Variants in KCNIP4 observed in about 807,000 individuals in gnomAD.
KCNIP4 encodes potassium voltage-gated channel interacting protein 4.
Under a neutral mutation model 34.0 loss-of-function variants are expected in KCNIP4, and 12 were observed. That is an observed-to-expected ratio of 0.35 (90% CI 0.23 to 0.57). KCNIP4 has a LOEUF of 0.57. KCNIP4 is among the 20% of genes least tolerant of loss of function. KCNIP4 has a pLI of 0.83. For synonymous variants in KCNIP4, 124 were observed against 102.2 expected, an observed-to-expected ratio of 1.21 and a Z score of -1.29; for missense variants, 238 against 311.7, an observed-to-expected ratio of 0.76 and a Z score of 1.78.
chr4:21,188,252 G>A (rs1283564902), intron 1 of KCNIP4, among the ~76,000 whole-genome samples: 6 of 152,136 alleles, frequency 3.9e-5, no homozygotes, highest in African/African-American at 1.4e-4. Flanking sequence ...TTGTGCTGGA[G>A]TGAAGGATAA....
intron 1 of KCNIP4, among the ~76,000 whole-genome samples, chr4:21,233,259 A>T (rs1758930574): frequency 6.6e-6 from 1 of 152,256 alleles, no homozygotes; most frequent in Admixed American, 6.5e-5. Flanking sequence ...GTGGGGTGGA[A>T]GGAACTGAAG....
intron 1 of KCNIP4, among the ~76,000 whole-genome samples, chr4:21,307,091 G>A (rs1712565876): frequency 6.6e-6 from 1 of 152,122 alleles, no homozygotes; most frequent in African/African-American, 2.4e-5. Flanking sequence ...CAAAGTCCTG[G>A]GATTACAGGC....
intron 1 of KCNIP4, among the ~76,000 whole-genome samples, chr4:21,888,453 G>C (rs928979314): frequency 1.3e-5 from 2 of 152,038 alleles, no homozygotes; most frequent in African/African-American, 4.8e-5. Context: ...CAAAACTTCA[G>C]GTTTGTATTT....
intron 1 of KCNIP4, among the ~76,000 whole-genome samples, chr4:21,139,079 G>A (rs539348920): frequency 3.3e-5 from 5 of 152,126 alleles, no homozygotes; most frequent in Non-Finnish European, 5.9e-5. Flanking sequence ...TCTAACACTA[G>A]GTATTTTTTT....
chr4:21,587,035 A>C (rs922349903), intron 1 of KCNIP4, among the ~76,000 whole-genome samples: 2 of 152,148 alleles, frequency 1.3e-5, no homozygotes, highest in Middle Eastern at 3.4e-3. Context: ...TTTGTTCTCA[A>C]GAAGGTTGAA....
At chr4:21,493,944 T>C (rs1379501389) in intron 1 of KCNIP4, among the ~76,000 whole-genome samples, 1 of 152,242 alleles carries the variant, frequency 6.6e-6, no homozygotes, top group Non-Finnish European at 1.5e-5. Context: ...AGAGAAGGTT[T>C]CATTTTCCAT....
intron 1 of KCNIP4, among the ~76,000 whole-genome samples, chr4:21,766,087 G>T (rs1288444857): frequency 6.6e-6 from 1 of 152,068 alleles, no homozygotes; most frequent in African/African-American, 2.4e-5. Flanking sequence ...CAGGGCTCTT[G>T]AATTACACAG....
At chr4:20,807,104 C>G (rs563394913) in intron 3 of KCNIP4, among the ~76,000 whole-genome samples, 39 of 152,230 alleles carry the variant, frequency 2.6e-4, no homozygotes, top group African/African-American at 8.9e-4. Context: ...AGTTAATTCT[C>G]TCACCATTTT....
chr4:21,330,028 G>A (rs1715472108), intron 1 of KCNIP4, among the ~76,000 whole-genome samples: 2 of 152,052 alleles, frequency 1.3e-5, no homozygotes, highest in Non-Finnish European at 2.9e-5. Flanking sequence ...AAAAAACAAT[G>A]TATTCAGACT....
intron 3 of KCNIP4, among the ~76,000 whole-genome samples, chr4:20,826,049 A>AG (rs1166352633): frequency 6.6e-6 from 1 of 151,498 alleles, no homozygotes; most frequent in Non-Finnish European, 1.5e-5. Context: ...GTGGAATGTT[A>AG]GGGGTAGAAG....
chr4:21,807,254 TCTC>T (rs1263364931), intron 1 of KCNIP4, among the ~76,000 whole-genome samples: 1 of 152,128 alleles, frequency 6.6e-6, no homozygotes, highest in Non-Finnish European at 1.5e-5. Flanking sequence ...CTGACACTCA[TCTC>T]CTGCTGTGCT....
intron 1 of KCNIP4, among the ~76,000 whole-genome samples, chr4:21,918,720 A>G (rs988198979): frequency 6.6e-6 from 1 of 152,244 alleles, no homozygotes; most frequent in African/African-American, 2.4e-5. Flanking sequence ...GCTAAAAAAA[A>G]TAAGAAACCT....
At position 21,105,484 on chromosome 4, in the gene KCNIP4, GGA is replaced by G. The variant is rs1306281409; in HGVS notation, c.62-222777_62-222776del. On this transcript the variant is annotated intron_variant, in intron 1 of 8. Coordinates refer to ENST00000382152, the MANE Select transcript of KCNIP4 (RefSeq NM_025221.6). ...TTGCTGAAGTTGCTTATCAGCTGAA[GGA>G]GATTTTGGGCTGAGACAATGGGGTT... 4.0e-5 allele frequency among the ~76,000 whole-genome samples: 6 copies of G among 151,664 alleles called. 1 individual carries two copies. Among genetic ancestry groups the G allele is most frequent in the African/African-American group, 1.5e-4 (6 of 40,948 alleles).
At chr4:21,583,148 C>G (rs1197545890) in intron 1 of KCNIP4, among the ~76,000 whole-genome samples, 1 of 150,890 alleles carries the variant, frequency 6.6e-6, no homozygotes, top group Admixed American at 6.6e-5. Context: ...TAGTGCATAT[C>G]CATCATCTTA....
chr4:21,186,647 T>G (rs1384429920), intron 1 of KCNIP4, among the ~76,000 whole-genome samples: 1 of 152,112 alleles, frequency 6.6e-6, no homozygotes. Flanking sequence ...CTTTTTAAGT[T>G]TATTTGTTTA....
chr4:21,092,226 A>G (rs1400244848), intron 1 of KCNIP4, among the ~76,000 whole-genome samples: 1 of 152,174 alleles, frequency 6.6e-6, no homozygotes, highest in South Asian at 2.1e-4. Flanking sequence ...AATTCCAAAA[A>G]AAATAATATG....
intron 1 of KCNIP4, among the ~76,000 whole-genome samples, chr4:21,062,445 G>A (rs1577620416): frequency 6.6e-6 from 1 of 152,038 alleles, no homozygotes; most frequent in Non-Finnish European, 1.5e-5. Flanking sequence ...GATTGGATTA[G>A]GAGGCCAACC....
chr4:21,611,183 G>A (rs1380061063), intron 1 of KCNIP4, among the ~76,000 whole-genome samples: 1 of 152,162 alleles, frequency 6.6e-6, no homozygotes, highest in Non-Finnish European at 1.5e-5. Context: ...ATTCCATGGT[G>A]TATATGTGTC....
At chr4:21,301,434 A>G (rs1490839707) in intron 1 of KCNIP4, among the ~76,000 whole-genome samples, 1 of 152,164 alleles carries the variant, frequency 6.6e-6, no homozygotes, top group Non-Finnish European at 1.5e-5. Flanking sequence ...GAAAAAGTTC[A>G]CAATCATCCT....
Sources: gnomAD v4.1 joint callset for allele counts (sites outside exome capture counted in the v4.1 genomes callset) on GRCh38, gnomAD v4.1.1 for gene constraint, MANE v1.5 for transcripts, NCBI Gene and HGNC (gene_info 2026-07-23, HGNC 2026-07-21) for gene names.